STAU2: variants seen among roughly 807,000 people sequenced by gnomAD.
STAU2 encodes the protein double-stranded RNA-binding protein Staufen homolog 2.
In STAU2, 20 loss-of-function variants were observed where a neutral mutation model predicts 65.9. The ratio of observed to expected loss-of-function variants is 0.30; its 90% CI spans 0.21 to 0.44. The LOEUF (loss-of-function observed/expected upper bound fraction) is 0.44, where lower values mean the gene tolerates loss of function less well. Ranked by LOEUF, STAU2 falls within the 20% of genes least tolerant of loss-of-function variation. STAU2 has a pLI of 1.00. For missense variants in STAU2, 558 were observed against 683.9 expected (o/e 0.82, Z 2.05); for synonymous variants, 232 against 233.9 (o/e 0.99, Z 0.07).
At chr8:73,629,829 C>T (rs890070472) in intron 6 of STAU2, among the ~76,000 whole-genome samples, 1 of 152,100 alleles carries the variant, frequency 6.6e-6, no homozygotes, top group Non-Finnish European at 1.5e-5. Flanking sequence ...TGTAGTCGTG[C>T]GATTATGCCT....
chr8:73,673,270 C>T (rs1192201564), intron 5 of STAU2, 28 bp from the exon 6 acceptor site: 1 of 1,511,576 alleles, frequency 6.6e-7, no homozygotes, highest in South Asian at 1.3e-5. Context: ...ATTAAAGGCA[C>T]ACAAGTGAAA....
chr8:73,469,499 G>A (rs975655159), intron 13 of STAU2, among the ~76,000 whole-genome samples: 6 of 151,566 alleles, frequency 4.0e-5, no homozygotes, highest in African/African-American at 1.5e-4. Flanking sequence ...AAGTGTGTCT[G>A]GATGGAGACT....
At chr8:73,622,783 A>C (rs1813360880) in intron 6 of STAU2, among the ~76,000 whole-genome samples, 1 of 152,342 alleles carries the variant, frequency 6.6e-6, no homozygotes, top group African/African-American at 2.4e-5. Flanking sequence ...TTTCTGCAGC[A>C]TGTCAGATCA....
chr8:73,619,964 T>A (rs1813106157), intron 6 of STAU2, among the ~76,000 whole-genome samples: 1 of 152,222 alleles, frequency 6.6e-6, no homozygotes, highest in South Asian at 2.1e-4. Flanking sequence ...TTAAATGTTT[T>A]TATTATAAAC....
chr8:73,428,638 A>G (rs1790713527), intron 13 of STAU2, among the ~76,000 whole-genome samples: 1 of 152,198 alleles, frequency 6.6e-6, no homozygotes, highest in Admixed American at 6.5e-5. Context: ...AACAACAACT[A>G]AAAACAATTT....
At chr8:73,687,285 A>AATTTAT (rs371617766) in intron 5 of STAU2, among the ~76,000 whole-genome samples, 82,339 of 100,672 alleles carry the variant, frequency 0.82, 33,345 homozygotes, top group East Asian at 0.96. Flanking sequence ...CATTTATAAA[A>AATTTAT]ATTTATATTT....
chr8:73,462,467 C>A (rs1307411561), intron 13 of STAU2, among the ~76,000 whole-genome samples: 1 of 151,478 alleles, frequency 6.6e-6, no homozygotes, highest in Non-Finnish European at 1.5e-5. Flanking sequence ...ATGATCATGG[C>A]CCACTGCAAC....
intron 13 of STAU2, among the ~76,000 whole-genome samples, chr8:73,517,534 A>G (rs1340001300): frequency 2.0e-5 from 3 of 152,254 alleles, no homozygotes; most frequent in African/African-American, 7.2e-5. Flanking sequence ...GGTTCTATTT[A>G]TACTTTGTCT....
chr8:73,656,086 T>C (rs972785129), intron 6 of STAU2, among the ~76,000 whole-genome samples: 32 of 152,194 alleles, frequency 2.1e-4, no homozygotes, highest in African/African-American at 4.8e-5. Flanking sequence ...CCAGGCCACA[T>C]AATTTTTAAA....
At chr8:73,431,345 AT>A (rs1447678451) in intron 13 of STAU2, among the ~76,000 whole-genome samples, 3 of 133,144 alleles carry the variant, frequency 2.3e-5, no homozygotes, top group Admixed American at 7.6e-5. Flanking sequence ...ATGACAATTA[AT>A]ATGTTCCAGG....
intron 3 of STAU2, chr8:73,728,198 A>C (rs1219518635): frequency 6.6e-6 from 1 of 152,156 alleles, no homozygotes; most frequent in Non-Finnish European, 1.5e-5. Flanking sequence ...TGAAGAGATT[A>C]TTCTTTCCCC....
At chr8:73,670,689 C>T (rs1817609942) in intron 6 of STAU2, among the ~76,000 whole-genome samples, 1 of 152,038 alleles carries the variant, frequency 6.6e-6, no homozygotes, top group Admixed American at 6.6e-5. Flanking sequence ...TAATTTTTCC[C>T]CTAGCAAGCA....
At chr8:73,522,490 C>T (rs1286304475) in intron 13 of STAU2, among the ~76,000 whole-genome samples, 2 of 152,120 alleles carry the variant, frequency 1.3e-5, no homozygotes, top group African/African-American at 4.8e-5. Context: ...AAATAAATGA[C>T]TGACAAGTTC....
intron 13 of STAU2, among the ~76,000 whole-genome samples, chr8:73,457,582 G>A (rs1339274989): frequency 6.6e-6 from 1 of 152,242 alleles, no homozygotes; most frequent in Non-Finnish European, 1.5e-5. Context: ...GATGGGGGAG[G>A]AAAAGAACAT....
intron 12 of STAU2, among the ~76,000 whole-genome samples, chr8:73,578,276 ACTCT>A (rs1353939345): frequency 6.6e-6 from 1 of 152,162 alleles, no homozygotes; most frequent in African/African-American, 2.4e-5. Flanking sequence ...TTAAAAACTT[ACTCT>A]CTAATTTCAG....
intron 13 of STAU2, among the ~76,000 whole-genome samples, chr8:73,505,801 C>T (rs556218113): frequency 5.9e-5 from 9 of 152,122 alleles, no homozygotes; most frequent in South Asian, 2.1e-4. Flanking sequence ...TACTCCCCAG[C>T]GCTGGAAGTG....
Position 73,717,679 on chromosome 8 carries a change from G to A in STAU2, c.-17-8517C>T, listed in dbSNP as rs569467693. 5.3e-3 allele frequency among the ~76,000 whole-genome samples: 811 copies of A among 151,886 alleles called. 8 individuals are homozygous for A. Among genetic ancestry groups the A allele is most frequent in the African/African-American group, 0.019 (770 of 41,370 alleles). On this transcript the variant is annotated intron_variant, in intron 3 of 14. Coordinates refer to ENST00000524300, the MANE Select transcript of STAU2 (RefSeq NM_001164380.2). ...TGTTGTTGTTTTGAGACGGAGTCTC[G>A]CTCTGTCGCCCAGGCTGGAGTGCAG...
intron 6 of STAU2, among the ~76,000 whole-genome samples, chr8:73,633,776 T>C (rs1345028584): frequency 6.6e-6 from 1 of 151,240 alleles, no homozygotes; most frequent in Non-Finnish European, 1.5e-5. Context: ...AGGCCAGGAG[T>C]TCAAGACCAG....
chr8:73,435,396 A>G (rs1817614428), intron 13 of STAU2, among the ~76,000 whole-genome samples: 1 of 151,778 alleles, frequency 6.6e-6, no homozygotes, highest in African/African-American at 2.4e-5. Flanking sequence ...TGACCCATCC[A>G]CTTCCATCTG....
Sources: gnomAD v4.1 joint callset for allele counts (sites outside exome capture counted in the v4.1 genomes callset) on GRCh38, gnomAD v4.1.1 for gene constraint, MANE v1.5 for transcripts, NCBI Gene and HGNC (gene_info 2026-07-23, HGNC 2026-07-21) for gene names.